MAGI2: variants seen among roughly 807,000 people sequenced by gnomAD.
MAGI2 encodes membrane-associated guanylate kinase, WW and PDZ domain-containing protein 2.
In MAGI2, 35 loss-of-function variants were observed where a neutral mutation model predicts 133.3. That is an observed-to-expected ratio of 0.26 (90% CI 0.20 to 0.35). MAGI2 has a LOEUF of 0.35. Among genes scored for constraint, MAGI2 ranks in the 10% least tolerant of loss-of-function variants. The pLI, the probability that MAGI2 is intolerant of heterozygous loss-of-function variation, is 1.00. For missense variants in MAGI2, 1,636 were observed against 1,863.4 expected, an observed-to-expected ratio of 0.88 and a Z score of 2.25; for synonymous variants, 729 against 710.6, an observed-to-expected ratio of 1.03 and a Z score of -0.41.
chr7:78,307,249 T>G (rs1230543067), intron 9 of MAGI2, among the ~76,000 whole-genome samples: 3 of 152,318 alleles, frequency 2.0e-5, no homozygotes, highest in Non-Finnish European at 4.4e-5. Flanking sequence ...TTTTCACTCC[T>G]ATTACTGCTA....
chr7:78,441,026 G>A (rs904861090), intron 6 of MAGI2, among the ~76,000 whole-genome samples: 38 of 152,250 alleles, frequency 2.5e-4, no homozygotes, highest in Middle Eastern at 3.4e-3. Context: ...ACATGGATGT[G>A]GGACTTGAGG....
chr7:79,150,652 T>C (rs1823122975), intron 1 of MAGI2, among the ~76,000 whole-genome samples: 1 of 151,894 alleles, frequency 6.6e-6, no homozygotes, highest in Non-Finnish European at 1.5e-5. Context: ...TGTTTAATAA[T>C]ATAACTTCCC....
intron 2 of MAGI2, among the ~76,000 whole-genome samples, chr7:78,638,588 T>C (rs1171582991): frequency 2.6e-5 from 4 of 152,214 alleles, no homozygotes; most frequent in Non-Finnish European, 4.4e-5. Context: ...GTAGCTATAG[T>C]CTTGGCTTTT....
intron 2 of MAGI2, among the ~76,000 whole-genome samples, chr7:78,675,161 A>G (rs1181902895): frequency 2.6e-5 from 4 of 152,132 alleles, no homozygotes; most frequent in African/African-American, 4.8e-5. Flanking sequence ...TTTAGTTTTT[A>G]TAACTAGTTC....
At chr7:79,113,625 GT>G (rs1403964051) in intron 1 of MAGI2, among the ~76,000 whole-genome samples, 2 of 152,150 alleles carry the variant, frequency 1.3e-5, no homozygotes, top group African/African-American at 4.8e-5. Flanking sequence ...TACTAGCAAA[GT>G]TTTTACTTTG....
chr7:79,442,861 C>T (rs959997637), intron 1 of MAGI2, among the ~76,000 whole-genome samples: 2 of 151,962 alleles, frequency 1.3e-5, no homozygotes, highest in African/African-American at 4.8e-5. Flanking sequence ...ATTTTAGTGA[C>T]CCTCCAAGCC....
chr7:78,636,562 G>T (rs535001088), intron 2 of MAGI2, among the ~76,000 whole-genome samples: 1 of 152,218 alleles, frequency 6.6e-6, no homozygotes, highest in South Asian at 2.1e-4. Context: ...ACTTTGGGAG[G>T]CCGAGGTGGG....
chr7:79,428,071 A>T (rs983247886), intron 1 of MAGI2, among the ~76,000 whole-genome samples: 2 of 152,172 alleles, frequency 1.3e-5, no homozygotes, highest in Non-Finnish European at 2.9e-5. Flanking sequence ...GAAACTGGGA[A>T]ATCAAAAGGT....
At chr7:78,444,138 C>G (rs1400079552) in intron 6 of MAGI2, among the ~76,000 whole-genome samples, 1 of 152,028 alleles carries the variant, frequency 6.6e-6, no homozygotes, top group African/African-American at 2.4e-5. Context: ...TTAGTCAGAA[C>G]ACTGAACGGG....
chr7:78,227,851 TGTGTGTGTGTGTG>T (rs1477310792), intron 10 of MAGI2, among the ~76,000 whole-genome samples: 1 of 3,404 alleles, frequency 2.9e-4, no homozygotes, highest in Non-Finnish European at 7.3e-4. Flanking sequence ...CTTACTCAGT[TGTGTGTGTGTGTG>T]TGTGTGTGTG....
intron 2 of MAGI2, among the ~76,000 whole-genome samples, chr7:78,867,890 G>A (rs1474434164): frequency 6.6e-6 from 1 of 151,914 alleles, no homozygotes; most frequent in Non-Finnish European, 1.5e-5. Flanking sequence ...ATATGTTTCG[G>A]GCTTGAAATA....
At chr7:78,663,534 A>G (rs2151048612) in intron 2 of MAGI2, among the ~76,000 whole-genome samples, 1 of 152,170 alleles carries the variant, frequency 6.6e-6, no homozygotes, top group African/African-American at 2.4e-5. Context: ...GGCTTTGAAC[A>G]ACTTTTGCTG....
chr7:78,982,319 T>A (rs1804864904), intron 2 of MAGI2, among the ~76,000 whole-genome samples: 1 of 151,946 alleles, frequency 6.6e-6, no homozygotes, highest in African/African-American at 2.4e-5. Context: ...AAATTCTTCA[T>A]CTATCTAAGC....
At chr7:79,125,446 G>T in intron 1 of MAGI2, 1 of 499,604 alleles carries the variant, frequency 2.0e-6, no homozygotes, top group South Asian at 1.5e-5. Flanking sequence ...ATTTGATAAC[G>T]ATGGTAGTTA....
intron 9 of MAGI2, among the ~76,000 whole-genome samples, chr7:78,343,353 G>A (rs191549588): frequency 1.2e-4 from 18 of 151,984 alleles, no homozygotes; most frequent in South Asian, 6.2e-4. Context: ...AAAGTTTTCC[G>A]TATGAGATGG....
intron 2 of MAGI2, among the ~76,000 whole-genome samples, chr7:79,003,007 G>A (rs1466914695): frequency 1.3e-5 from 2 of 151,702 alleles, no homozygotes; most frequent in African/African-American, 4.8e-5. Flanking sequence ...ATGGGGCATG[G>A]AACAGATTGA....
At chr7:78,110,105 A>G (rs747706022) in intron 20 of MAGI2, among the ~76,000 whole-genome samples, 29 of 152,162 alleles carry the variant, frequency 1.9e-4, no homozygotes, top group Non-Finnish European at 3.8e-4. Flanking sequence ...TACATTTTCC[A>G]GTTTTCCTGG....
chr7:79,249,847 A>G (rs1833099615), intron 1 of MAGI2, among the ~76,000 whole-genome samples: 1 of 152,174 alleles, frequency 6.6e-6, no homozygotes, highest in Non-Finnish European at 1.5e-5. Flanking sequence ...CACATCAAAA[A>G]AAGAAACTTA....
chr7:78,294,821 C>T (rs951265932), intron 9 of MAGI2, among the ~76,000 whole-genome samples: 2 of 152,042 alleles, frequency 1.3e-5, no homozygotes, highest in South Asian at 2.1e-4. Context: ...ATGGTGGTTG[C>T]ACTTGTAAGG....
Sources: allele counts gnomAD v4.1 joint callset (sites outside exome capture counted in the v4.1 genomes callset), GRCh38; gene constraint gnomAD v4.1.1; transcripts MANE v1.5; gene names NCBI Gene and HGNC (gene_info 2026-07-23, HGNC 2026-07-21).